RDH13: variants seen among roughly 807,000 people sequenced by gnomAD.
RDH13 encodes retinol dehydrogenase 13.
In RDH13, 35 loss-of-function variants were observed where a neutral mutation model predicts 28.3. The ratio of observed to expected loss-of-function variants is 1.24; its 90% CI spans 0.95 to 1.64. The LOEUF is 1.64. Ranked by LOEUF, RDH13 falls within the 40% of genes most tolerant of loss-of-function variation. RDH13 has a pLI of 0.00. For synonymous variants in RDH13, 229 were observed against 198.5 expected (o/e 1.15, Z -1.29); for missense variants, 514 against 446.3 (o/e 1.15, Z -1.37).
chr19:55,048,009 C>A, intron 5 of RDH13: 2 of 1,377,622 alleles, frequency 1.5e-6, no homozygotes, highest in Non-Finnish European at 1.9e-6. Context: ...CAGGCATTGA[C>A]AACTGCGGGT....
chr19:55,067,854 G>C (rs1400365583), upstream of RDH13: 1 of 147,012 alleles, frequency 6.8e-6, no homozygotes, highest in Non-Finnish European at 1.5e-5. Context: ...TTGATTAGCT[G>C]GGTGCTATCA....
chr19:55,047,438 G>T lies in RDH13; in HGVS notation c.709C>A (p.Leu237Met). The T allele has an allele frequency of 6.2e-7, 1 of 1,611,140 alleles. No individual in the cohort carries two copies. ...ALHPGVARTE[L>M]GRHTGIHGST... ...CCATGGATGCCCGTGTGTCTGCCCA[G>T]CTCTGTCCTGGCCACGCCGGGGTGC... is the stretch of plus-strand genomic sequence containing the variant. The change falls in exon 6 of 7, where the codon CTG becomes ATG. Residue 237 changes from leucine (L) to methionine (M), a missense_variant. Transcript: ENST00000415061.
intron 2 of RDH13, among the ~76,000 whole-genome samples, chr19:55,057,015 A>G (rs970853049): frequency 2.0e-5 from 3 of 152,218 alleles, no homozygotes; most frequent in Non-Finnish European, 1.5e-5. Flanking sequence ...GAGATGGAAT[A>G]TTAGACGGCC....
rs773250626 is a variant in RDH13, at chr19:55,063,025, C to G, written c.8G>C (p.Arg3Pro). 1 of 1,438,120 alleles carries G rather than the reference C, an allele frequency of 7.0e-7. No individual in the cohort carries two copies. The highest frequency in any genetic ancestry group is 9.1e-7 in the Non-Finnish European group (1 of 1,097,866). 89.1% of individuals were successfully genotyped at this position (1,438,120 alleles called of 1,614,324 possible). A position where few individuals can be genotyped will look rare whatever the true frequency, so the allele number is the denominator to read the frequency against. Residue 3 changes from arginine (R) to proline (P), a missense_variant, in exon 1 of 7, where the codon CGC becomes CCC. Transcript: ENST00000415061. MS[R>P]YLLPLSALGT... ...CAGCGCCGACAGCGGCAGCAGGTAG[C>G]GGCTCATGCCGGGCCGGGGACAGGC... is the stretch of plus-strand genomic sequence containing the variant.
intron 1 of RDH13, 100 bp downstream of exon 1, chr19:55,062,868 G>T: frequency 9.3e-7 from 1 of 1,072,570 alleles, no homozygotes; most frequent in Non-Finnish European, 1.2e-6. Context: ...GAGCTACGGG[G>T]CCTGGACCCG....
At chr19:55,062,889 G>A in intron 1 of RDH13, 79 bp downstream of exon 1, 1 of 1,233,624 alleles carries the variant, frequency 8.1e-7, no homozygotes, top group Non-Finnish European at 1.1e-6. Context: ...GGTGCGAGGG[G>A]CGGGGGTCTC....
At position 55,049,914 on chromosome 19, in the gene RDH13, T is replaced by C. The variant is rs139123052; in HGVS notation, c.341-1151A>G. Reference sequence around the variant, plus strand: ...CTGGTCTCTCTCCTTGGCTCACAGGTGACCATCTCCTCTCTCCCTCTTCCC... The same window carrying C: ...CTGGTCTCTCTCCTTGGCTCACAGGCGACCATCTCCTCTCTCCCTCTTCCC... On this transcript the variant is annotated intron_variant, in intron 3 of 6. Transcript: ENST00000415061. Among the ~76,000 whole-genome samples the C allele has an allele frequency of 7.4e-3, 1,121 of 151,338 alleles. 16 individuals carry two copies. Among genetic ancestry groups the C allele is most frequent in the African/African-American group, 0.025 (1,021 of 41,318 alleles).
At chr19:55,057,816 T>TC (rs1311317186) in intron 2 of RDH13, among the ~76,000 whole-genome samples, 2 of 140,188 alleles carry the variant, frequency 1.4e-5, no homozygotes, top group Non-Finnish European at 3.2e-5. Flanking sequence ...TATTATTATT[T>TC]TTTTTTTTTT....
rs1169205280 is a variant in RDH13 at position 55,044,862 on chromosome 19, A to T, written c.*212T>A. 2 of 504,840 alleles carry T rather than the reference A, an allele frequency of 4.0e-6. No individual in the cohort carries two copies. The highest frequency in any genetic ancestry group is 3.9e-5 in the African/African-American group (2 of 50,934). The allele number at this position is 504,840 out of a possible 1,614,324, so 31.3% of individuals were successfully genotyped here. A position where few individuals can be genotyped will look rare whatever the true frequency, so the allele number is the denominator to read the frequency against. The stretch of plus-strand genomic sequence containing the variant: ...CAGATGGCCCCTCTCCCCTGCTGGC[A>T]GCAGAGCAGACGGAACCAGCCAGAG... On this transcript the variant is annotated 3_prime_UTR_variant, in exon 7 of 7. Transcript: ENST00000415061.
chr19:55,062,108 ACT>A (rs1602815351), intron 1 of RDH13, among the ~76,000 whole-genome samples: 1 of 130,782 alleles, frequency 7.6e-6, no homozygotes, highest in Admixed American at 7.9e-5. Context: ...CAACAGCGAA[ACT>A]CTGTCTCAAA....
intron 6 of RDH13, chr19:55,046,994 T>G (rs2075257007): frequency 2.8e-6 from 1 of 361,394 alleles, no homozygotes; most frequent in African/African-American, 2.1e-5. Context: ...CCCCAGTGAC[T>G]GTGAGGTGAG....
intron 2 of RDH13, among the ~76,000 whole-genome samples, chr19:55,058,771 C>T (rs2075717667): frequency 6.6e-6 from 1 of 152,154 alleles, no homozygotes; most frequent in Non-Finnish European, 1.5e-5. Flanking sequence ...ACCCCTGCCT[C>T]TCAGGTTCAA....
At chr19:55,055,489 T>C (rs1358871339) in intron 3 of RDH13, among the ~76,000 whole-genome samples, 1 of 152,040 alleles carries the variant, frequency 6.6e-6, no homozygotes, top group Admixed American at 6.6e-5. Flanking sequence ...ATTTTATAAA[T>C]GTCCCATAAC....
chr19:55,051,876 C>T (rs969707063), intron 3 of RDH13, among the ~76,000 whole-genome samples: 6 of 151,834 alleles, frequency 4.0e-5, no homozygotes, highest in South Asian at 2.1e-4. Flanking sequence ...GAACCACAGG[C>T]GCCCGACACC....
At chr19:55,057,432 CTCCT>C (rs1405804729) in intron 2 of RDH13, among the ~76,000 whole-genome samples, 1 of 110,360 alleles carries the variant, frequency 9.1e-6, no homozygotes, top group Non-Finnish European at 1.8e-5. Context: ...TCCCCATCCT[CTCCT>C]TTTTTTTTTT....
rs113253419 is a variant in RDH13 at position 55,063,061 on chromosome 19, A to AGGGGTCC, written c.-30_-29insGGACCCC. The AGGGGTCC allele has an allele frequency of 1.3e-5, 17 of 1,307,698 alleles. No homozygotes were observed. The highest frequency in any genetic ancestry group is 5.5e-5 in the South Asian group (3 of 54,332). 81.0% of individuals were successfully genotyped at this position (1,307,698 alleles called of 1,614,324 possible). A position where few individuals can be genotyped will look rare whatever the true frequency, so the allele number is the denominator to read the frequency against. On this transcript the variant is annotated 5_prime_UTR_variant, in exon 1 of 7. Coordinates refer to ENST00000415061, the MANE Select transcript of RDH13 (RefSeq NM_001145971.2). ...GGGCCGGGGACAGGCGTCAGGCGTC[A>AGGGGTCC]GGGGTCGGCGCGGAGCTTGCTGCAC...
intron 1 of RDH13, among the ~76,000 whole-genome samples, chr19:55,059,586 T>TGGGGGGGGGGGGG (rs202150997): frequency 3.2e-4 from 25 of 78,350 alleles, no homozygotes; most frequent in Non-Finnish European, 4.4e-4. Flanking sequence ...GTTTTGGGGG[T>TGGGGGGGGGGGGG]GGGGGGGGGC....
chr19:55,053,075 GTTCT>G, intron 3 of RDH13, among the ~76,000 whole-genome samples: 1 of 152,246 alleles, frequency 6.6e-6, no homozygotes, highest in South Asian at 2.1e-4. Flanking sequence ...TTTGCTTTGT[GTTCT>G]TTCTAGTCGG....
Position 55,048,678 on chromosome 19 carries a change from C to T in RDH13, c.426G>A (p.Gln142=). The T allele has an allele frequency of 6.2e-7, 1 of 1,614,038 alleles. No homozygotes were observed. The highest frequency in any genetic ancestry group is 8.5e-7 in the Non-Finnish European group (1 of 1,180,010). The change falls in exon 4 of 7, where the codon CAG becomes CAA. Residue 142 remains glutamine, a synonymous_variant. Coordinates refer to ENST00000415061, the MANE Select transcript of RDH13 (RefSeq NM_001145971.2). ...HWTTEDGFEM[Q]FGVNHLGHFL... is the part of the protein sequence containing the mutation. Reference sequence around the variant, plus strand: ...CCTCACCCAGGTGGTTAACGCCAAACTGCATCTCGAAGCCGTCCTCGGTGG... The same window carrying T: ...CCTCACCCAGGTGGTTAACGCCAAATTGCATCTCGAAGCCGTCCTCGGTGG...
Sources: allele counts gnomAD v4.1 joint callset (sites outside exome capture counted in the v4.1 genomes callset), GRCh38; gene constraint gnomAD v4.1.1; transcripts MANE v1.5; gene names NCBI Gene and HGNC (gene_info 2026-07-23, HGNC 2026-07-21).